The following CCDC13 variants were observed in gnomAD, a reference collection of about 807,000 sequenced individuals.
CCDC13 encodes the protein coiled-coil domain containing 13, also known as coiled-coil domain-containing protein 13.
CCDC13 carries 70 observed loss-of-function variants against 87.3 expected under a neutral mutation model. That is an observed-to-expected ratio of 0.80 (90% CI 0.66 to 0.98). The LOEUF is 0.98. Ranked by LOEUF, CCDC13 falls within the 50% of genes least tolerant of loss-of-function variation. The probability of loss-of-function intolerance (pLI) is 0.00; values close to 1 mark genes in which losing one functional copy is unlikely to be tolerated. For missense variants in CCDC13, 842 were observed against 892.0 expected (o/e 0.94, Z 0.71); for synonymous variants, 317 against 360.3 (o/e 0.88, Z 1.36).
At chr3:42,715,235 G>A (rs1478441213) in intron 13 of CCDC13, among the ~76,000 whole-genome samples, 1 of 152,030 alleles carries the variant, frequency 6.6e-6, no homozygotes, top group African/African-American at 2.4e-5. Flanking sequence ...CTTGAACCAG[G>A]GAGGTGGAGG....
chr3:42,753,596 GC>G (rs1484513023), intron 3 of CCDC13, among the ~76,000 whole-genome samples: 1 of 152,194 alleles, frequency 6.6e-6, no homozygotes, highest in African/African-American at 2.4e-5. Context: ...AGGAATAAGT[GC>G]TAGGAAATAC....
intron 5 of CCDC13, among the ~76,000 whole-genome samples, chr3:42,751,656 T>C (rs1218509490): frequency 6.6e-6 from 1 of 152,224 alleles, no homozygotes; most frequent in Non-Finnish European, 1.5e-5. Flanking sequence ...GTTCCAGGGT[T>C]CTCAGGCTCC....
At position 42,724,069 on chromosome 3, in the gene CCDC13, C is replaced by T. The variant is rs72865736; in HGVS notation, c.1718+6398G>A. Among the ~76,000 whole-genome samples, 1,100 of 152,236 alleles carry T rather than the reference C, an allele frequency of 7.2e-3. 13 individuals are homozygous for T. Among genetic ancestry groups the T allele is most frequent in the African/African-American group, 0.025 (1,053 of 41,540 alleles). ...TATTGACTCAACTGTGGGGGAGGGG[C>T]TTTCACTTTTCTGTTATGAATTTCA... On this transcript the variant is annotated intron_variant, in intron 13 of 15. Coordinates refer to ENST00000310232, the MANE Select transcript of CCDC13 (RefSeq NM_144719.4).
At chr3:42,730,140 C>T (rs1016045347) in intron 13 of CCDC13, among the ~76,000 whole-genome samples, 2 of 152,214 alleles carry the variant, frequency 1.3e-5, no homozygotes, top group African/African-American at 4.8e-5. Context: ...AAGCACAGTG[C>T]CAGGCTCATC....
At chr3:42,732,638 A>G in intron 12 of CCDC13, 1 of 512,514 alleles carries the variant, frequency 2.0e-6, no homozygotes, top group South Asian at 2.8e-5. Flanking sequence ...AAGGTTCCTC[A>G]GGTTAATTCT....
chr3:42,732,060 C>T (rs1398644188), intron 12 of CCDC13, among the ~76,000 whole-genome samples: 2 of 152,154 alleles, frequency 1.3e-5, no homozygotes, highest in Non-Finnish European at 2.9e-5. Flanking sequence ...GGCAGAGCCT[C>T]CCCAATCTCC....
At chr3:42,749,110 G>A (rs934716955) in intron 5 of CCDC13, among the ~76,000 whole-genome samples, 2 of 151,906 alleles carry the variant, frequency 1.3e-5, no homozygotes, top group Admixed American at 6.6e-5. Flanking sequence ...CTGTCTGGCC[G>A]CCTGCCATCC....
At chr3:42,742,236 C>G (rs1284227313) in intron 8 of CCDC13, among the ~76,000 whole-genome samples, 1 of 152,212 alleles carries the variant, frequency 6.6e-6, no homozygotes, top group Admixed American at 6.5e-5. Context: ...ACCAAAGACA[C>G]TCAATTCTGG....
intron 1 of CCDC13, among the ~76,000 whole-genome samples, chr3:42,767,838 G>A (rs78676876): frequency 0.013 from 1,955 of 152,140 alleles, 45 homozygotes; most frequent in African/African-American, 0.042. Flanking sequence ...GCCAGGTGTG[G>A]TGGTGGGCAC....
chr3:42,752,445 T>G (rs906841747), intron 4 of CCDC13, 130 bp downstream of exon 4: 2 of 1,151,624 alleles, frequency 1.7e-6, no homozygotes, highest in African/African-American at 3.1e-5. Context: ...CACCATATAC[T>G]GCGTGACTTG....
intron 8 of CCDC13, among the ~76,000 whole-genome samples, chr3:42,741,567 T>C (rs1003096201): frequency 1.3e-5 from 2 of 152,230 alleles, no homozygotes; most frequent in African/African-American, 4.8e-5. Context: ...TGAAACCCTG[T>C]CTCTACTAAA....
At position 42,729,340 on chromosome 3, in the gene CCDC13, T is replaced by C. The variant is rs528522327; in HGVS notation, c.1718+1127A>G. Among the ~76,000 whole-genome samples the C allele has an allele frequency of 1.8e-4, 28 of 152,326 alleles. No individual in the cohort carries two copies. The South Asian group carries it at 2.5e-3, about 14-fold the overall frequency. The stretch of plus-strand genomic sequence containing the variant: ...ATGTTGCTTTTCTCATATACTTGAG[T>C]ATGTCTGAAATTCACATCATCTCTA... On this transcript the variant is annotated intron_variant, in intron 13 of 15. Coordinates refer to ENST00000310232, the MANE Select transcript of CCDC13 (RefSeq NM_144719.4).
chr3:42,769,530 G>A (rs115776224), intron 1 of CCDC13, among the ~76,000 whole-genome samples: 3,298 of 152,330 alleles, frequency 0.022, 47 homozygotes, highest in Middle Eastern at 0.075. Context: ...AATGTTCATA[G>A]TGAGAGGTGA....
chr3:42,743,587 T>A (rs1016785222), intron 7 of CCDC13, among the ~76,000 whole-genome samples: 17 of 97,692 alleles, frequency 1.7e-4, no homozygotes, highest in Non-Finnish European at 1.2e-4. Context: ...CTGGATAATT[T>A]TATATATATA....
rs953432116 is a variant in CCDC13, at chr3:42,745,955, G to T, written c.793C>A (p.Arg265=). 5.0e-6 allele frequency: 8 copies of T among 1,613,866 alleles called. No homozygotes were observed. Among genetic ancestry groups the T allele is most frequent in the Middle Eastern group, 1.6e-4 (1 of 6,080 alleles). ...TGCAAAACAAGAATTTGTTGAGCCC[G>T]ACCCCTCCAGGTCCCTGGCGAAGAT... ...LLSSPGTWRG[R]AQQILVLQSK... is the part of the protein sequence containing the mutation. Residue 265 remains arginine, a synonymous_variant, in exon 7 of 16, where the codon CGG becomes AGG. Coordinates refer to ENST00000310232, the MANE Select transcript of CCDC13 (RefSeq NM_144719.4).
At chr3:42,731,151 GC>G (rs1698819648) in intron 12 of CCDC13, among the ~76,000 whole-genome samples, 1 of 151,884 alleles carries the variant, frequency 6.6e-6, no homozygotes, top group Admixed American at 6.6e-5. Context: ...GGTAAACTCT[GC>G]CCCCCAACTT....
chr3:42,753,283 GA>G (rs1297372704), intron 3 of CCDC13, among the ~76,000 whole-genome samples: 1 of 152,208 alleles, frequency 6.6e-6, no homozygotes, highest in Non-Finnish European at 1.5e-5. Flanking sequence ...GAACAAAGTG[GA>G]ACCAATCTAG....
chr3:42,723,095 C>T (rs1476454404), intron 13 of CCDC13, among the ~76,000 whole-genome samples: 1 of 152,168 alleles, frequency 6.6e-6, no homozygotes, highest in Non-Finnish European at 1.5e-5. Flanking sequence ...CCGCACCTGG[C>T]CTATTCCTTT....
rs144178754 is a variant in CCDC13 at position 42,757,934 on chromosome 3, T to C, written c.221+191A>G. Among the ~76,000 whole-genome samples the C allele has an allele frequency of 5.6e-3, 859 of 152,322 alleles. 3 individuals carry two copies. Among genetic ancestry groups the C allele is most frequent in the Non-Finnish European group, 9.3e-3 (636 of 68,022 alleles). On this transcript the variant is annotated intron_variant, in intron 2 of 15. Coordinates refer to ENST00000310232, the MANE Select transcript of CCDC13 (RefSeq NM_144719.4). The stretch of plus-strand genomic sequence containing the variant: ...TAAGAAGAAATCATAATATGTATTA[T>C]AAAGCATTTAGAATGGATTGACCAC...
Sources: allele counts gnomAD v4.1 joint callset (sites outside exome capture counted in the v4.1 genomes callset), GRCh38; gene constraint gnomAD v4.1.1; transcripts MANE v1.5; gene names NCBI Gene and HGNC (gene_info 2026-07-23, HGNC 2026-07-21).